The following GNG7 variants were observed in gnomAD, a reference collection of about 807,000 sequenced individuals.
GNG7 encodes G protein subunit gamma 7, also known as guanine nucleotide-binding protein G(I)/G(S)/G(O) subunit gamma-7.
A neutral mutation model predicts 4.0 loss-of-function variants in GNG7; 1 was observed. The ratio of observed to expected loss-of-function variants is 0.25; its 90% CI spans 0.09 to 1.18. The LOEUF is 1.18. GNG7 is among the 50% of genes most tolerant of loss of function. The probability of loss-of-function intolerance (pLI) is 0.50; values close to 1 mark genes in which losing one functional copy is unlikely to be tolerated. For missense variants in GNG7, 86 were observed against 91.9 expected (o/e 0.94, Z 0.26); for synonymous variants, 34 against 36.9 (o/e 0.92, Z 0.29).
chr19:2,650,136 G>C (rs908379727), intron 1 of GNG7, among the ~76,000 whole-genome samples: 1 of 150,546 alleles, frequency 6.6e-6, no homozygotes, highest in Non-Finnish European at 1.5e-5. Context: ...GTTCCTTCTT[G>C]TTGGCAATTG....
intron 3 of GNG7, among the ~76,000 whole-genome samples, chr19:2,521,558 C>A (rs948292518): frequency 6.6e-6 from 1 of 150,504 alleles, no homozygotes; most frequent in African/African-American, 2.4e-5. Flanking sequence ...CCAGGGGAGA[C>A]CCTGGGTCAG....
chr19:2,628,065 A>G (rs918058660), intron 2 of GNG7, among the ~76,000 whole-genome samples: 3 of 152,186 alleles, frequency 2.0e-5, no homozygotes, highest in Non-Finnish European at 2.9e-5. Flanking sequence ...GTTTTCTCCT[A>G]TGTGAAGTGG....
Position 2,624,915 on chromosome 19 carries a change from A to G in GNG7, c.-78+21309T>C, listed in dbSNP as rs76420708. On this transcript the variant is annotated intron_variant, in intron 2 of 4. Transcript: ENST00000382159. ...CACTCCTGCCCTGAGACAGGAAGAC[A>G]AGGTCAGCTCAGGGCACAGAAGCCA... is the stretch of plus-strand genomic sequence containing the variant. 2.0e-5 allele frequency among the ~76,000 whole-genome samples: 3 copies of G among 152,174 alleles called. No individual in the cohort carries two copies. The East Asian group carries it at 5.8e-4, about 29-fold the overall frequency.
chr19:2,521,032 G>A (rs1317813834), intron 3 of GNG7, among the ~76,000 whole-genome samples: 4 of 151,958 alleles, frequency 2.6e-5, no homozygotes, highest in Non-Finnish European at 5.9e-5. Context: ...GAGGCAGGTG[G>A]ATCATGAGGT....
At chr19:2,579,002 G>C (rs118150699) in intron 2 of GNG7, among the ~76,000 whole-genome samples, 253 of 151,592 alleles carry the variant, frequency 1.7e-3, no homozygotes, top group Middle Eastern at 3.4e-3. Context: ...TTGTCTGCGA[G>C]AGGCCAGGAA....
chr19:2,602,565 C>G (rs957817834), intron 2 of GNG7, among the ~76,000 whole-genome samples: 1 of 152,266 alleles, frequency 6.6e-6, no homozygotes, highest in Non-Finnish European at 1.5e-5. Context: ...TCTGTGGCCT[C>G]GCACAGGCGG....
Position 2,525,971 on chromosome 19 carries a change from A to ATTTTTTTTTTTT in GNG7, c.-37-5258_-37-5247dup, listed in dbSNP as rs35639922. Among the ~76,000 whole-genome samples, 73 of 75,674 alleles carry ATTTTTTTTTTTT rather than the reference A, an allele frequency of 9.6e-4. 6 individuals carry two copies. The highest frequency in any genetic ancestry group is 3.6e-3 in the African/African-American group (59 of 16,570). The allele number at this position is 75,674 out of a possible 152,430, so 49.6% of individuals were successfully genotyped here. A position where few individuals can be genotyped will look rare whatever the true frequency, so the allele number is the denominator to read the frequency against. ...ATTACAGGTGCCTGCCTCCACGCCA[A>ATTTTTTTTTTTT]TTTTTTTTTTTTTTTTTGAGACAGA... On this transcript the variant is annotated intron_variant, in intron 3 of 4. Transcript: ENST00000382159.
In GNG7 at chr19:2,659,159, C is replaced by T. The variant is rs982793710; in HGVS notation, c.-134-12879G>A. Among the ~76,000 whole-genome samples, 18 of 151,856 alleles carry T rather than the reference C, an allele frequency of 1.2e-4. No individual in the cohort carries two copies. In the East Asian group the frequency reaches 2.2e-3, roughly 18 times the overall value. Reference sequence around the variant, plus strand: ...TAATTTTTTGTATTTTTAGTAGAGACGAGGTTTCACCGGGTTAGCCAGGAT... The same window carrying T: ...TAATTTTTTGTATTTTTAGTAGAGATGAGGTTTCACCGGGTTAGCCAGGAT... On this transcript the variant is annotated intron_variant, in intron 1 of 4. Coordinates refer to ENST00000382159, the MANE Select transcript of GNG7 (RefSeq NM_052847.3).
intron 3 of GNG7, among the ~76,000 whole-genome samples, chr19:2,553,924 A>G (rs1332718581): frequency 2.0e-5 from 3 of 147,880 alleles, no homozygotes; most frequent in East Asian, 1.9e-4. Context: ...TATTGCATGT[A>G]ATATATTGTA....
chr19:2,607,040 G>A (rs775197749), intron 2 of GNG7, among the ~76,000 whole-genome samples: 38 of 151,906 alleles, frequency 2.5e-4, no homozygotes, highest in Non-Finnish European at 4.3e-4. Context: ...GGGCAACACA[G>A]CGAGACCCTG....
In GNG7 at chr19:2,512,678, G is replaced by A. The variant is rs116227271; in HGVS notation, c.*2344C>T. On this transcript the variant is annotated 3_prime_UTR_variant, in exon 5 of 5. Transcript: ENST00000382159. The surrounding 1 kb of genome is among the most constrained non-coding windows in gnomAD (Gnocchi z 4.7). ...ATTGTGAGGACACACCAGTGGGGCC[G>A]GGCTTGGCACAGCTGTGCCCCCTCC... 667 of 166,386 alleles carry A rather than the reference G, an allele frequency of 4.0e-3. 4 individuals carry two copies. Among genetic ancestry groups the A allele is most frequent in the African/African-American group, 0.015 (637 of 41,866 alleles). The allele number at this position is 166,386 out of a possible 1,614,324, so 10.3% of individuals were successfully genotyped here.
At chr19:2,641,090 G>A (rs1036260186) in intron 2 of GNG7, among the ~76,000 whole-genome samples, 1 of 152,236 alleles carries the variant, frequency 6.6e-6, no homozygotes, top group Non-Finnish European at 1.5e-5. Flanking sequence ...AGGGACTCGG[G>A]TCCCGCAGCT....
At chr19:2,573,899 G>A (rs1047100764) in intron 2 of GNG7, among the ~76,000 whole-genome samples, 1 of 152,178 alleles carries the variant, frequency 6.6e-6, no homozygotes, top group Non-Finnish European at 1.5e-5. Flanking sequence ...GGTCATATGC[G>A]AACGGGTGAA....
rs1979603659 is a variant in GNG7, at chr19:2,557,531, G to A, written c.-77-2343C>T. ...CACTCACAAAAGACTCAGAGGCTCC[G>A]CCTGGCCGGGTCAGCGAATGGAGTT... On this transcript the variant is annotated intron_variant, in intron 2 of 4. Coordinates refer to ENST00000382159, the MANE Select transcript of GNG7 (RefSeq NM_052847.3). This position sits in a 1 kb window ranked among gnomAD's most constrained non-coding sequence, Gnocchi z 5.1. 2.6e-5 allele frequency among the ~76,000 whole-genome samples: 4 copies of A among 152,328 alleles called. No individual in the cohort carries two copies. The South Asian group carries it at 6.2e-4, about 24-fold the overall frequency.
chr19:2,527,785 C>A (rs373367384), intron 3 of GNG7, among the ~76,000 whole-genome samples: 11 of 151,706 alleles, frequency 7.3e-5, no homozygotes, highest in East Asian at 3.9e-4. Flanking sequence ...CCCCCCCCCC[C>A]ACCAGTGCGC....
intron 2 of GNG7, among the ~76,000 whole-genome samples, chr19:2,603,145 A>C (rs1207802295): frequency 6.6e-6 from 1 of 151,644 alleles, no homozygotes; most frequent in Non-Finnish European, 1.5e-5. Context: ...TGCCTCACTG[A>C]AACCTCCGCC....
Position 2,661,356 on chromosome 19 carries a change from G to GAA in GNG7, c.-134-15078_-134-15077dup, listed in dbSNP as rs1568277899. 5.9e-4 allele frequency among the ~76,000 whole-genome samples: 87 copies of GAA among 146,876 alleles called. 1 individual carries two copies. The highest frequency in any genetic ancestry group is 2.9e-3 in the Admixed American group (43 of 14,794). ...AGAAAGAAAGAAAGAAAGAAAGAAA[G>GAA]AAAGAAATGGGCCCTCCAGGCTGGG... is the stretch of plus-strand genomic sequence containing the variant. On this transcript the variant is annotated intron_variant, in intron 1 of 4. Transcript: ENST00000382159.
rs56064339 is a variant in GNG7, at chr19:2,653,769, A to G, written c.-134-7489T>C. On this transcript the variant is annotated intron_variant, in intron 1 of 4. Transcript: ENST00000382159. This position sits in a 1 kb window ranked among gnomAD's most constrained non-coding sequence, Gnocchi z 4.8. ...CTGTCCTCATCCTTATGGGATCTTCAGATGGTGCCCTTGAGGCCCAGGGCC... is the reference window on the plus strand; with the variant it reads ...CTGTCCTCATCCTTATGGGATCTTCGGATGGTGCCCTTGAGGCCCAGGGCC... Among the ~76,000 whole-genome samples, 6,282 of 152,206 alleles carry G rather than the reference A, an allele frequency of 0.041. 245 individuals carry two copies. The highest frequency in any genetic ancestry group is 0.098 in the African/African-American group (4,052 of 41,518).
chr19:2,655,434 C>T lies in GNG7; in HGVS notation c.-134-9154G>A, dbSNP rs984752569. 4.6e-5 allele frequency among the ~76,000 whole-genome samples: 7 copies of T among 152,064 alleles called. No homozygotes were observed. In the South Asian group the frequency reaches 1.5e-3, roughly 32 times the overall value. On this transcript the variant is annotated intron_variant, in intron 1 of 4. Coordinates refer to ENST00000382159, the MANE Select transcript of GNG7 (RefSeq NM_052847.3). ...GATAAAAAACATTAGTAAAGATGGCCGGGTGCGGTGGCTCATATCTGTCAT... is the reference window on the plus strand; with the variant it reads ...GATAAAAAACATTAGTAAAGATGGCTGGGTGCGGTGGCTCATATCTGTCAT...
Sources: gnomAD v4.1 joint callset for allele counts (sites outside exome capture counted in the v4.1 genomes callset) on GRCh38, gnomAD v4.1.1 for gene constraint, Gnocchi (gnomAD v3.1) non-coding constraint, MANE v1.5 for transcripts, NCBI Gene and HGNC (gene_info 2026-07-23, HGNC 2026-07-21) for gene names.